ZBTB46: variants seen among roughly 807,000 people sequenced by gnomAD.
ZBTB46 encodes the protein zinc finger and BTB domain containing 46.
In ZBTB46, 8 loss-of-function variants were observed where a neutral mutation model predicts 44.1. The observed-to-expected ratio is 0.18, with a 90% CI of 0.11 to 0.33. ZBTB46 has a LOEUF of 0.33. Ranked by LOEUF, ZBTB46 falls within the 10% of genes least tolerant of loss-of-function variation. The pLI is 1.00. For synonymous variants in ZBTB46, 409 were observed against 382.3 expected (o/e 1.07, Z -0.81); for missense variants, 651 against 847.7 (o/e 0.77, Z 2.88).
intron 1 of ZBTB46, among the ~76,000 whole-genome samples, chr20:63,810,065 C>T (rs530198374): frequency 3.3e-5 from 5 of 152,248 alleles, no homozygotes; most frequent in South Asian, 2.1e-4. Context: ...CAGAGTGGGG[C>T]GGCCCTTGAA....
At position 63,803,604 on chromosome 20, in the gene ZBTB46, C is replaced by T; in HGVS notation, c.-33-12814G>A. 2 of 804,642 alleles carry T rather than the reference C, an allele frequency of 2.5e-6. No homozygotes were observed. Among genetic ancestry groups the T allele is most frequent in the African/African-American group, 1.9e-5 (1 of 53,612 alleles). The allele number at this position is 804,642 out of a possible 1,614,324, so 49.8% of individuals were successfully genotyped here. On this transcript the variant is annotated intron_variant, in intron 1 of 4. Coordinates refer to ENST00000245663, the MANE Select transcript of ZBTB46 (RefSeq NM_001369741.1). The surrounding 1 kb of genome is among the most constrained non-coding windows in gnomAD (Gnocchi z 4.0). ...AGGTCTCTGTCGGAGGCCCTGCCAG[C>T]CCCGCCCCTCCCTGCCCACTGGCCC...
rs1300568734 is a variant in ZBTB46, at chr20:63,791,550, A to G, written c.-33-760T>C. On this transcript the variant is annotated intron_variant, in intron 1 of 4. Coordinates refer to ENST00000245663, the MANE Select transcript of ZBTB46 (RefSeq NM_001369741.1). ...TACACAAAAAACCACAGAATAAGGA[A>G]TTAAAGCATTCATAGCCTTAGTCCT... Among the ~76,000 whole-genome samples, 3 of 152,116 alleles carry G rather than the reference A, an allele frequency of 2.0e-5. No homozygotes were observed. In the East Asian group the frequency reaches 5.8e-4, roughly 29 times the overall value.
intron 1 of ZBTB46, among the ~76,000 whole-genome samples, chr20:63,817,544 G>A (rs1234707056): frequency 6.6e-6 from 1 of 151,622 alleles, no homozygotes; most frequent in Middle Eastern, 3.2e-3. Flanking sequence ...GTGAAACCCT[G>A]TACCTACCAA....
chr20:63,768,882 C>T (rs752866428), intron 3 of ZBTB46, among the ~76,000 whole-genome samples: 13 of 152,120 alleles, frequency 8.5e-5, no homozygotes, highest in Non-Finnish European at 1.5e-4. Context: ...CGGCCACCAC[C>T]ACTGAGCTCT....
Position 63,803,547 on chromosome 20 carries a change from C to T in ZBTB46, c.-33-12757G>A, listed in dbSNP as rs570375159. The T allele has an allele frequency of 1.4e-4, 139 of 979,366 alleles. No individual in the cohort carries two copies. The highest frequency in any genetic ancestry group is 1.6e-4 in the Non-Finnish European group (129 of 827,618). The allele number at this position is 979,366 out of a possible 1,614,324, so 60.7% of individuals were successfully genotyped here. Reference sequence around the variant, plus strand: ...TCTGAAGATGCAAAGCCATGTCTGCCGGCCCCGGGCTGCCCAGGCCCCGGG... The same window carrying T: ...TCTGAAGATGCAAAGCCATGTCTGCTGGCCCCGGGCTGCCCAGGCCCCGGG... On this transcript the variant is annotated intron_variant, in intron 1 of 4. Transcript: ENST00000245663. This position sits in a 1 kb window ranked among gnomAD's most constrained non-coding sequence, Gnocchi z 4.0.
chr20:63,781,156 A>G (rs145057538), intron 2 of ZBTB46, among the ~76,000 whole-genome samples: 17 of 144,856 alleles, frequency 1.2e-4, no homozygotes, highest in South Asian at 4.2e-4. Flanking sequence ...AAAAAAAAAA[A>G]AAAAAAAGAA....
In ZBTB46 at chr20:63,790,293, T is replaced by G. The variant is rs758586132; in HGVS notation, c.465A>C (p.Glu155Asp). The G allele has an allele frequency of 1.2e-6, 2 of 1,613,018 alleles. No homozygotes were observed. Among genetic ancestry groups the G allele is most frequent in the Non-Finnish European group, 1.7e-6 (2 of 1,179,930 alleles). ...EIGASSSSST[E>D]ALISAVMAGR... ...CAGCCATCACGGCCGAGATGAGAGC[T>G]TCCGTGCTGCTGCTGGACGAGGCGC... Residue 155 changes from glutamate to aspartate, a missense_variant, in exon 2 of 5, where the codon GAA becomes GAC. Glu to Asp is a conservative substitution (Grantham distance 45). Transcript: ENST00000245663.
In ZBTB46 at chr20:63,830,718, C is replaced by T. The variant is rs1050410633; in HGVS notation, c.-34+379G>A. 5.4e-5 allele frequency among the ~76,000 whole-genome samples: 8 copies of T among 148,370 alleles called. No homozygotes were observed. In the East Asian group the frequency reaches 6.1e-4, roughly 11 times the overall value. On this transcript the variant is annotated intron_variant, in intron 1 of 4. Transcript: ENST00000245663. ...ATTACCAGCTGGAAAATTCCCCTCTCGGAGGTGCCGGGGAGGGAGCGCGGC... is the reference window on the plus strand; with the variant it reads ...ATTACCAGCTGGAAAATTCCCCTCTTGGAGGTGCCGGGGAGGGAGCGCGGC...
At chr20:63,780,791 T>C (rs1374187266) in intron 2 of ZBTB46, among the ~76,000 whole-genome samples, 1 of 139,498 alleles carries the variant, frequency 7.2e-6, no homozygotes, top group Admixed American at 7.2e-5. Context: ...GACAGAATGA[T>C]ACTCCGTCTC....
intron 3 of ZBTB46, among the ~76,000 whole-genome samples, chr20:63,762,371 T>C (rs1440876384): frequency 8.0e-6 from 1 of 124,568 alleles, no homozygotes; most frequent in African/African-American, 3.4e-5. Context: ...AACTGAGCTG[T>C]TGCCGGGCAC....
chr20:63,797,846 G>C (rs1028845277), intron 1 of ZBTB46, among the ~76,000 whole-genome samples: 1 of 152,086 alleles, frequency 6.6e-6, no homozygotes, highest in Non-Finnish European at 1.5e-5. Flanking sequence ...TTTTTGATGG[G>C]GTTGTTTGAT....
chr20:63,831,017 T>G (rs1243456468), intron 1 of ZBTB46, 80 bp downstream of exon 1: 53 of 139,228 alleles, frequency 3.8e-4, no homozygotes, highest in African/African-American at 1.3e-3. Flanking sequence ...CGGCCCCGGC[T>G]CCCGGCTCCC....
In ZBTB46 at chr20:63,744,483, C is replaced by G. The variant is rs1170879271; in HGVS notation, c.*2447G>C. 1 of 152,066 alleles carries G rather than the reference C, an allele frequency of 6.6e-6. No individual in the cohort carries two copies. Among genetic ancestry groups the G allele is most frequent in the African/African-American group, 2.4e-5 (1 of 41,312 alleles). The allele number at this position is 152,066 out of a possible 1,614,324, so 9.4% of individuals were successfully genotyped here. ...GTAAACACCAAAATACAAACAGACA[C>G]AAACAAAAATACAAAATGTGAAATG... On this transcript the variant is annotated 3_prime_UTR_variant, in exon 5 of 5. Transcript: ENST00000245663.
chr20:63,812,415 G>A (rs1386416291), intron 1 of ZBTB46, among the ~76,000 whole-genome samples: 6 of 152,138 alleles, frequency 3.9e-5, no homozygotes, highest in Non-Finnish European at 7.4e-5. Flanking sequence ...AGGCGGAGGC[G>A]GGCGAATCAC....
intron 1 of ZBTB46, among the ~76,000 whole-genome samples, chr20:63,826,448 C>A (rs1397730521): frequency 6.6e-6 from 1 of 152,054 alleles, no homozygotes; most frequent in Non-Finnish European, 1.5e-5. Context: ...TTTGGCTGGG[C>A]ACGGTGGCTC....
intron 1 of ZBTB46, among the ~76,000 whole-genome samples, chr20:63,801,066 G>C (rs1029159047): frequency 6.6e-6 from 1 of 152,230 alleles, no homozygotes; most frequent in Non-Finnish European, 1.5e-5. Context: ...TCAGCACTCT[G>C]TGTCTAGCTC....
At chr20:63,801,451 G>A (rs2092644005) in intron 1 of ZBTB46, among the ~76,000 whole-genome samples, 1 of 152,214 alleles carries the variant, frequency 6.6e-6, no homozygotes, top group Non-Finnish European at 1.5e-5. Flanking sequence ...GGACCAATCA[G>A]CAAGATGTGG....
At chr20:63,816,720 T>C (rs2092760658) in intron 1 of ZBTB46, among the ~76,000 whole-genome samples, 1 of 152,076 alleles carries the variant, frequency 6.6e-6, no homozygotes, top group Non-Finnish European at 1.5e-5. Context: ...TATTTGGAAA[T>C]AGGGTCTTTG....
intron 1 of ZBTB46, among the ~76,000 whole-genome samples, chr20:63,792,300 G>A (rs945687966): frequency 6.6e-6 from 1 of 152,194 alleles, no homozygotes; most frequent in Non-Finnish European, 1.5e-5. Context: ...CCATTCTCCA[G>A]CTGATAAGTC....
Sources: allele counts gnomAD v4.1 joint callset (sites outside exome capture counted in the v4.1 genomes callset), GRCh38; gene constraint gnomAD v4.1.1; non-coding constraint Gnocchi (gnomAD v3.1); transcripts MANE v1.5; gene names NCBI Gene and HGNC (gene_info 2026-07-23, HGNC 2026-07-21).